TAFA2: variants seen among roughly 807,000 people sequenced by gnomAD.
The protein encoded by TAFA2 is TAFA chemokine like family member 2, also known as chemokine-like protein TAFA-2.
A neutral mutation model predicts 18.8 loss-of-function variants in TAFA2; 7 were observed. The ratio of observed to expected loss-of-function variants is 0.37; its 90% CI spans 0.21 to 0.70. TAFA2 has a LOEUF of 0.70. TAFA2 is among the 30% of genes least tolerant of loss of function. The pLI, the probability that TAFA2 is intolerant of heterozygous loss-of-function variation, is 0.53. For missense variants in TAFA2, 122 were observed against 158.1 expected, an observed-to-expected ratio of 0.77 and a Z score of 1.23; for synonymous variants, 60 against 54.2, an observed-to-expected ratio of 1.11 and a Z score of -0.47.
At chr12:62,100,831 A>C (rs1156276218) in intron 1 of TAFA2, among the ~76,000 whole-genome samples, 1 of 152,188 alleles carries the variant, frequency 6.6e-6, no homozygotes, top group African/African-American at 2.4e-5. Flanking sequence ...GCAAATGTAC[A>C]ATGCCCAACC....
intron 2 of TAFA2, among the ~76,000 whole-genome samples, chr12:61,795,944 C>A (rs571503467): frequency 2.0e-5 from 3 of 151,760 alleles, no homozygotes; most frequent in African/African-American, 7.3e-5. Flanking sequence ...CTATTAGAAA[C>A]GCCAAAATTA....
At chr12:62,148,358 G>T (rs1592366484) in intron 1 of TAFA2, among the ~76,000 whole-genome samples, 1 of 152,166 alleles carries the variant, frequency 6.6e-6, no homozygotes. Context: ...GGAATACTAT[G>T]CAGCCATAAA....
chr12:62,171,301 A>T (rs1402265851), intron 1 of TAFA2, among the ~76,000 whole-genome samples: 2 of 152,204 alleles, frequency 1.3e-5, no homozygotes, highest in Non-Finnish European at 2.9e-5. Flanking sequence ...GTTCCACTCT[A>T]CTAAAATTTT....
At chr12:61,838,487 A>G (rs1264296032) in intron 2 of TAFA2, among the ~76,000 whole-genome samples, 1 of 152,062 alleles carries the variant, frequency 6.6e-6, no homozygotes, top group African/African-American at 2.4e-5. Context: ...GACAGAAGAC[A>G]CTGAAAGAAT....
At chr12:61,928,198 G>GA (rs1877391386) in intron 1 of TAFA2, among the ~76,000 whole-genome samples, 1 of 152,174 alleles carries the variant, frequency 6.6e-6, no homozygotes, top group South Asian at 2.1e-4. Context: ...CACAGCAAAA[G>GA]AAAATATCAT....
rs137858922 is a variant in TAFA2, at chr12:61,748,500, C to T, written c.384+5122G>A. On this transcript the variant is annotated intron_variant, in intron 4 of 4. Transcript: ENST00000416284. Reference sequence around the variant, plus strand: ...GAGCATGATGATTGAAGAATTTACACGAATTGCACCACCTTAAGGTAAGGA... The same window carrying T: ...GAGCATGATGATTGAAGAATTTACATGAATTGCACCACCTTAAGGTAAGGA... Among the ~76,000 whole-genome samples, 1,023 of 152,192 alleles carry T rather than the reference C, an allele frequency of 6.7e-3. 6 individuals are homozygous for T. Among genetic ancestry groups the T allele is most frequent in the African/African-American group, 0.021 (890 of 41,554 alleles).
intron 4 of TAFA2, among the ~76,000 whole-genome samples, chr12:61,741,098 G>C (rs1868422566): frequency 6.6e-6 from 1 of 151,972 alleles, no homozygotes; most frequent in Admixed American, 6.6e-5. Context: ...AATTTTTAAA[G>C]TGTTTTATCA....
chr12:62,102,986 G>A (rs74787678), intron 1 of TAFA2, among the ~76,000 whole-genome samples: 1 of 152,092 alleles, frequency 6.6e-6, no homozygotes, highest in African/African-American at 2.4e-5. Flanking sequence ...TACTAGCCTC[G>A]ACTTCTCTTT....
chr12:61,715,072 A>T (rs1479114548), intron 4 of TAFA2, among the ~76,000 whole-genome samples: 1 of 152,188 alleles, frequency 6.6e-6, no homozygotes, highest in Non-Finnish European at 1.5e-5. Flanking sequence ...GTCCCATTAA[A>T]TGGCTTTTAA....
intron 1 of TAFA2, among the ~76,000 whole-genome samples, chr12:61,898,976 T>C (rs577188885): frequency 7.2e-5 from 11 of 152,270 alleles, no homozygotes; most frequent in African/African-American, 2.6e-4. Flanking sequence ...CTCATTCAAG[T>C]TCAAAGTTCC....
intron 1 of TAFA2, among the ~76,000 whole-genome samples, chr12:61,957,862 T>G (rs1334312282): frequency 6.6e-6 from 1 of 152,096 alleles, no homozygotes; most frequent in Non-Finnish European, 1.5e-5. Context: ...CTGGACACAA[T>G]GCATCCCTAT....
At chr12:62,054,983 T>C (rs1395961085) in intron 1 of TAFA2, among the ~76,000 whole-genome samples, 1 of 152,254 alleles carries the variant, frequency 6.6e-6, no homozygotes, top group East Asian at 1.9e-4. Context: ...ACAATGTTTG[T>C]ATCCCTCCAA....
chr12:62,085,212 A>C (rs1442151619), intron 1 of TAFA2, among the ~76,000 whole-genome samples: 3 of 152,206 alleles, frequency 2.0e-5, no homozygotes, highest in African/African-American at 7.2e-5. Flanking sequence ...TCACAGGGAA[A>C]AGACATCTGA....
chr12:62,006,025 A>G (rs1268501582), intron 1 of TAFA2, among the ~76,000 whole-genome samples: 1 of 152,180 alleles, frequency 6.6e-6, no homozygotes, highest in Non-Finnish European at 1.5e-5. Flanking sequence ...TTATAATACT[A>G]TGAAGACTCA....
chr12:62,126,674 T>C (rs1870473470), intron 1 of TAFA2, among the ~76,000 whole-genome samples: 1 of 152,016 alleles, frequency 6.6e-6, no homozygotes, highest in Non-Finnish European at 1.5e-5. Context: ...ATAGTATGAA[T>C]GCATAAGTAT....
chr12:62,199,162 C>G (rs1303175028), intron 1 of TAFA2, among the ~76,000 whole-genome samples: 2 of 152,158 alleles, frequency 1.3e-5, no homozygotes, highest in African/African-American at 4.8e-5. Context: ...AGCTGGAGTA[C>G]TGGGGATAAG....
chr12:62,195,135 T>A (rs534107899), upstream of TAFA2, among the ~76,000 whole-genome samples: 1 of 152,342 alleles, frequency 6.6e-6, no homozygotes, highest in African/African-American at 2.4e-5. Context: ...GTCAATTGAC[T>A]CTTCCTTTCA....
At chr12:62,139,623 C>T (rs906139308) in intron 1 of TAFA2, among the ~76,000 whole-genome samples, 1 of 152,118 alleles carries the variant, frequency 6.6e-6, no homozygotes, top group Non-Finnish European at 1.5e-5. Flanking sequence ...AACATTTTCT[C>T]CATTTAGGAG....
rs535446654 is a variant in TAFA2, at chr12:61,816,895, T to G, written c.106+50425A>C. On this transcript the variant is annotated intron_variant, in intron 2 of 4. Transcript: ENST00000416284. The stretch of plus-strand genomic sequence containing the variant: ...AAGATATTGTCTAACTTTTTTTGTA[T>G]GCATAGGGTCTGGCACTAAGACAGC... Among the ~76,000 whole-genome samples the G allele has an allele frequency of 4.0e-5, 6 of 151,414 alleles. 1 individual carries two copies. The South Asian group carries it at 1.0e-3, about 26-fold the overall frequency.
Sources: allele counts gnomAD v4.1 joint callset (sites outside exome capture counted in the v4.1 genomes callset), GRCh38; gene constraint gnomAD v4.1.1; transcripts MANE v1.5; gene names NCBI Gene and HGNC (gene_info 2026-07-23, HGNC 2026-07-21).